Variants in EPHB6 observed in about 807,000 individuals in gnomAD.
EPHB6 encodes the protein EPH receptor B6.
EPHB6 carries 51 observed loss-of-function variants against 107.0 expected under a neutral mutation model. That is an observed-to-expected ratio of 0.48 (90% CI 0.38 to 0.60). The LOEUF (loss-of-function observed/expected upper bound fraction) is 0.60, where lower values mean the gene tolerates loss of function less well. Among genes scored for constraint, EPHB6 ranks in the 20% least tolerant of loss-of-function variants. The pLI is 0.00. For synonymous variants in EPHB6, 553 were observed against 549.0 expected, an observed-to-expected ratio of 1.01 and a Z score of -0.10; for missense variants, 1,141 against 1,355.5, an observed-to-expected ratio of 0.84 and a Z score of 2.48.
At chr7:142,863,491 C>A (rs1802947825) in intron 5 of EPHB6, 140 bp from the exon 6 acceptor site, 2 of 1,230,868 alleles carry the variant, frequency 1.6e-6, no homozygotes, top group Non-Finnish European at 2.4e-6. Flanking sequence ...AGAGAAAGGA[C>A]CCTGATGGAC....
intron 7 of EPHB6, among the ~76,000 whole-genome samples, 154 bp downstream of exon 7, chr7:142,864,903 T>G (rs1586161251): frequency 6.6e-6 from 1 of 152,358 alleles, no homozygotes; most frequent in South Asian, 2.1e-4. Flanking sequence ...ATTTTATTTC[T>G]TAAAGCACTC....
At position 142,866,755 on chromosome 7, in the gene EPHB6, G is replaced by C; in HGVS notation, c.1587+150G>C. On this transcript the variant is annotated intron_variant, in intron 10 of 19. Coordinates refer to ENST00000652003, the MANE Select transcript of EPHB6 (RefSeq NM_004445.6). The surrounding 1 kb of genome is among the most constrained non-coding windows in gnomAD (Gnocchi z 5.2). ...CACAGTCCCCACAGTAGGGGCCAGA[G>C]GCTGAATGGGCAAGGAGAGGTGCCC... 1.3e-5 allele frequency: 20 copies of C among 1,577,422 alleles called. No homozygotes were observed. The highest frequency in any genetic ancestry group is 7.8e-5 in the South Asian group (7 of 89,780).
intron 1 of EPHB6, among the ~76,000 whole-genome samples, chr7:142,858,514 C>T (rs550558555): frequency 8.0e-6 from 1 of 124,492 alleles, no homozygotes; most frequent in East Asian, 2.8e-4. Flanking sequence ...CGGCTCACTG[C>T]AAGCTCTGCC....
At chr7:142,862,979 A>G (rs1197279439) in intron 4 of EPHB6, 146 bp downstream of exon 4, 4 of 557,620 alleles carry the variant, frequency 7.2e-6, no homozygotes, top group Admixed American at 6.1e-5. Context: ...GCAGTATGCA[A>G]CCTGGCTTCT....
In EPHB6 at chr7:142,864,218, A is replaced by G. The variant is rs2116418173; in HGVS notation, c.418A>G (p.Ser140Gly). Residue 140 changes from serine to glycine, a missense_variant, in exon 7 of 20, where the codon AGC (serine) becomes GGC (glycine). Physicochemically the swap from Ser to Gly is moderately conservative, Grantham distance 56 (BLOSUM62 0). This residue lies in a region of EPHB6 where 221 missense variants were observed against 300.5 expected (regional missense o/e 0.74). Coordinates refer to ENST00000652003, the MANE Select transcript of EPHB6 (RefSeq NM_004445.6). ...CTACCGTCAGGCTGAGGAGCCCGAC[A>G]GCCCTGACAGCGTTTCCTCCTGGCA... The part of the protein sequence containing the change: ...LYYRQAEEPD[S>G]PDSVSSWHLK... 6.2e-7 allele frequency: 1 copy of G among 1,613,898 alleles called. No individual in the cohort carries two copies. The highest frequency in any genetic ancestry group is 8.5e-7 in the Non-Finnish European group (1 of 1,180,036).
At chr7:142,870,144 TC>T in intron 17 of EPHB6, 69 bp from the exon 18 acceptor site, 4 of 1,605,614 alleles carry the variant, frequency 2.5e-6, no homozygotes, top group Non-Finnish European at 3.4e-6. Context: ...CAGCCCACCC[TC>T]TTACCCAACA....
At chr7:142,863,777 AC>A in intron 6 of EPHB6, 82 bp downstream of exon 6, 1 of 1,537,616 alleles carries the variant, frequency 6.5e-7, no homozygotes, top group South Asian at 1.1e-5. Flanking sequence ...CATGAAGGAA[AC>A]CCTGGGTGAG....
rs376527759 is a variant in EPHB6, at chr7:142,867,862, C to A, written c.1866-135C>A. ...CAGCCAGCCCCTGCCCTGGGCCCCA[C>A]GTGGAGATGGGCAGGAGGGCCAGGC... On this transcript the variant is annotated intron_variant, in intron 12 of 19. Coordinates refer to ENST00000652003, the MANE Select transcript of EPHB6 (RefSeq NM_004445.6). This position sits in a 1 kb window ranked among gnomAD's most constrained non-coding sequence, Gnocchi z 5.3. 56 of 1,449,596 alleles carry A rather than the reference C, an allele frequency of 3.9e-5. No individual in the cohort carries two copies. Among genetic ancestry groups the A allele is most frequent in the Non-Finnish European group, 4.9e-5 (52 of 1,057,172 alleles). The allele number at this position is 1,449,596 out of a possible 1,614,324, so 89.8% of individuals were successfully genotyped here.
rs375999436 is a variant in EPHB6, at chr7:142,867,601, C to G, written c.1751-7C>G. The G allele has an allele frequency of 1.9e-6, 3 of 1,608,834 alleles. No homozygotes were observed. Among genetic ancestry groups the G allele is most frequent in the Admixed American group, 3.4e-5 (2 of 59,522 alleles). ...CCCACCTGTGACCCTGTCGGCTGGT[C>G]CCCCAGGGGAGCTGTCTTCCCAGCT... On this transcript the variant is annotated splice_region_variant and splice_polypyrimidine_tract_variant and intron_variant, in intron 11 of 19. Coordinates refer to ENST00000652003, the MANE Select transcript of EPHB6 (RefSeq NM_004445.6). This position sits in a 1 kb window ranked among gnomAD's most constrained non-coding sequence, Gnocchi z 5.3.
rs1288149506 is a variant in EPHB6, at chr7:142,869,431, G to T, written c.2460+284G>T. On this transcript the variant is annotated intron_variant, in intron 16 of 19. Coordinates refer to ENST00000652003, the MANE Select transcript of EPHB6 (RefSeq NM_004445.6). The surrounding 1 kb of genome is among the most constrained non-coding windows in gnomAD (Gnocchi z 4.5). The stretch of plus-strand genomic sequence containing the variant: ...CATTGTGGAGATTACACAGACTCCA[G>T]AGTCAGCACAGCTGGGTACAAATTC... Among the ~76,000 whole-genome samples, 2 of 152,180 alleles carry T rather than the reference G, an allele frequency of 1.3e-5. No homozygotes were observed. Among genetic ancestry groups the T allele is most frequent in the East Asian group, 3.9e-4 (2 of 5,194 alleles).
At chr7:142,870,145 C>T in intron 17 of EPHB6, 69 bp from the exon 18 acceptor site, 1 of 1,606,242 alleles carries the variant, frequency 6.2e-7, no homozygotes, top group Non-Finnish European at 8.5e-7. Flanking sequence ...AGCCCACCCT[C>T]TTACCCAACA....
At position 142,869,804 on chromosome 7, in the gene EPHB6, C is replaced by T. The variant is rs374824537; in HGVS notation, c.2461-13C>T. ...TATGATTATTACTATTTGCTTTTGA[C>T]TTTACCCCTCAGGGCCCAAGTTGTT... On this transcript the variant is annotated splice_polypyrimidine_tract_variant and intron_variant, in intron 16 of 19. Transcript: ENST00000652003. This position sits in a 1 kb window ranked among gnomAD's most constrained non-coding sequence, Gnocchi z 4.5. The T allele has an allele frequency of 3.7e-6, 6 of 1,614,042 alleles. No individual in the cohort carries two copies. The African/African-American group carries it at 5.3e-5, about 14-fold the overall frequency.
At chr7:142,859,402 T>G (rs555067281) in intron 1 of EPHB6, among the ~76,000 whole-genome samples, 1 of 152,368 alleles carries the variant, frequency 6.6e-6, no homozygotes, top group East Asian at 1.9e-4. Flanking sequence ...TTGTCACTTA[T>G]GTTTCTGCCT....
chr7:142,869,075 G>T lies in EPHB6; in HGVS notation c.2388G>T (p.Ser796=). The stretch of plus-strand genomic sequence containing the variant: ...CCAGCTTTGCCTTCGTCCATCGCTC[G>T]CTGTCTGCCCACAGCGTGCTGGTGA... ...YLSSFAFVHR[S]LSAHSVLVNS... Residue 796 remains serine (S), a synonymous_variant, in exon 16 of 20, where the codon TCG becomes TCT. Transcript: ENST00000652003. The surrounding 1 kb of genome is among the most constrained non-coding windows in gnomAD (Gnocchi z 4.5). The T allele has an allele frequency of 6.2e-7, 1 of 1,613,642 alleles. No homozygotes were observed.
chr7:142,866,344 T>TC lies in EPHB6; in HGVS notation c.1462+32dup, dbSNP rs1435082018. The stretch of plus-strand genomic sequence containing the variant: ...GAGCTCTTTTCCTTGGCCTTCAGGA[T>TC]CCCCTGCCTCCGCTCCTTTGAGCCC... On this transcript the variant is annotated intron_variant, in intron 9 of 19. Coordinates refer to ENST00000652003, the MANE Select transcript of EPHB6 (RefSeq NM_004445.6). This position sits in a 1 kb window ranked among gnomAD's most constrained non-coding sequence, Gnocchi z 5.2. 6 of 1,612,792 alleles carry TC rather than the reference T, an allele frequency of 3.7e-6. No individual in the cohort carries two copies. The highest frequency in any genetic ancestry group is 4.2e-6 in the Non-Finnish European group (5 of 1,179,592).
In EPHB6 at chr7:142,870,229, G is replaced by A. The variant is rs150099415; in HGVS notation, c.2626G>A (p.Glu876Lys). 3.1e-6 allele frequency: 5 copies of A among 1,614,166 alleles called. No individual in the cohort carries two copies. Among genetic ancestry groups the A allele is most frequent in the African/African-American group, 1.3e-5 (1 of 75,048 alleles). ...TGACCCCCAGGTACTAAATGCAATA[G>A]AGCAGGAGTTCCGGCTGCCCCCGCC... Reference protein sequence around the residue: ...MSEQEVLNAIEQEFRLPPPPG... With the variant: ...MSEQEVLNAIKQEFRLPPPPG... The change falls in exon 18 of 20, where the codon GAG (glutamate) becomes AAG (lysine). Residue 876 changes from glutamate (E) to lysine (K), a missense_variant. Transcript: ENST00000652003.
rs201261812 is a variant in EPHB6, at chr7:142,868,465, C to T, written c.2039-27C>T. ...GCAGGACGCTGTGAGCCTTGATCCC[C>T]ACCCCAACCTACACCTATTTTCCCA... On this transcript the variant is annotated intron_variant, in intron 14 of 19. Transcript: ENST00000652003. This position sits in a 1 kb window ranked among gnomAD's most constrained non-coding sequence, Gnocchi z 4.2. 4.9e-5 allele frequency: 79 copies of T among 1,614,224 alleles called. No individual in the cohort carries two copies. The East Asian group carries it at 1.2e-3, about 25-fold the overall frequency.
intron 3 of EPHB6, among the ~76,000 whole-genome samples, 154 bp from the exon 4 acceptor site, chr7:142,862,602 C>T (rs556257251): frequency 3.3e-5 from 5 of 152,154 alleles, no homozygotes; most frequent in Non-Finnish European, 5.9e-5. Flanking sequence ...GTGTCCCTCC[C>T]GCTTCACTGC....
chr7:142,856,111 G>GCC (rs1489065117), intron 1 of EPHB6, among the ~76,000 whole-genome samples: 1 of 152,200 alleles, frequency 6.6e-6, no homozygotes, highest in African/African-American at 2.4e-5. Flanking sequence ...CCCTGGCAGC[G>GCC]CCCATGGAGC....
Sources: gnomAD v4.1 joint callset for allele counts (sites outside exome capture counted in the v4.1 genomes callset) on GRCh38, gnomAD v4.1.1 for gene constraint, gnomAD v4.1.1 regional missense constraint, Gnocchi (gnomAD v3.1) non-coding constraint, MANE v1.5 for transcripts, NCBI Gene and HGNC (gene_info 2026-07-23, HGNC 2026-07-21) for gene names.